Variants in L3HYPDH observed in about 807,000 individuals in gnomAD.
L3HYPDH encodes the protein trans-L-3-hydroxyproline dehydratase.
In L3HYPDH, 32 loss-of-function variants were observed where a neutral mutation model predicts 26.5. The ratio of observed to expected loss-of-function variants is 1.21; its 90% CI spans 0.91 to 1.62. The LOEUF (loss-of-function observed/expected upper bound fraction) is 1.62. L3HYPDH is among the 40% of genes most tolerant of loss of function. The pLI is 0.00. For missense variants in L3HYPDH, 554 were observed against 476.4 expected, an observed-to-expected ratio of 1.16 and a Z score of -1.52; for synonymous variants, 215 against 196.6, an observed-to-expected ratio of 1.09 and a Z score of -0.78.
At chr14:59,486,040 TTTAAG>T (rs1890543960), upstream of L3HYPDH, 2 of 152,232 alleles carry the variant, frequency 1.3e-5, no homozygotes, top group African/African-American at 4.8e-5. Flanking sequence ...TTGGGGTTTT[TTTAAG>T]TAAGGAATAG....
intron 1 of L3HYPDH, among the ~76,000 whole-genome samples, chr14:59,466,715 A>G (rs1889191543): frequency 6.6e-6 from 1 of 152,234 alleles, no homozygotes; most frequent in South Asian, 2.1e-4. Flanking sequence ...TTTACAGTAT[A>G]AATAGAAGAA....
the L3HYPDH span, chr14:59,503,716 T>A: frequency 1.6e-6 from 1 of 616,602 alleles, no homozygotes. Flanking sequence ...AGTGATTTCT[T>A]AAGTCTTTTT....
chr14:59,498,795 T>G, the L3HYPDH span: 4 of 1,604,630 alleles, frequency 2.5e-6, no homozygotes, highest in South Asian at 4.4e-5. Context: ...CCTCTTCTGG[T>G]GAAGAAGATT....
chr14:59,465,938 G>C (rs1889156974), intron 1 of L3HYPDH, among the ~76,000 whole-genome samples: 1 of 152,136 alleles, frequency 6.6e-6, no homozygotes, highest in Non-Finnish European at 1.5e-5. Context: ...ACGGGTTCGC[G>C]GGTGGTGATG....
At chr14:59,504,450 T>G in the L3HYPDH span, 168,665 of 174,510 alleles carry the variant, frequency 0.97, 81,768 homozygotes, top group East Asian at 1. Context: ...GTAATTGTAC[T>G]TACCTGTTGT....
chr14:59,494,813 A>T, the L3HYPDH span, among the ~76,000 whole-genome samples: 1 of 152,230 alleles, frequency 6.6e-6, no homozygotes, highest in South Asian at 2.1e-4. Context: ...TGCAGGGTAG[A>T]TATAATTTCT....
intron 1 of L3HYPDH, among the ~76,000 whole-genome samples, chr14:59,479,897 C>T (rs1258016562): frequency 1.3e-5 from 2 of 152,154 alleles, no homozygotes; most frequent in Non-Finnish European, 2.9e-5. Context: ...AGAAAAATGC[C>T]ATTGTAGAAT....
At chr14:59,474,565 A>T in intron 4 of L3HYPDH, 1 of 697,220 alleles carries the variant, frequency 1.4e-6, no homozygotes, top group Non-Finnish European at 2.6e-6. Context: ...GCTTTGTCTG[A>T]CAGCAATATA....
At chr14:59,469,865 T>C (rs945211226), downstream of L3HYPDH, among the ~76,000 whole-genome samples, 11 of 152,050 alleles carry the variant, frequency 7.2e-5, no homozygotes, top group African/African-American at 2.7e-4. Context: ...GGTTAGTCTC[T>C]CTACAAGAGG....
Position 59,483,786 on chromosome 14 carries a change from G to C in L3HYPDH, c.508+23C>G, listed in dbSNP as rs1023188975. 3 of 1,587,710 alleles carry C rather than the reference G, an allele frequency of 1.9e-6. No homozygotes were observed. In the African/African-American group the frequency reaches 4.0e-5, roughly 21 times the overall value. ...CGTCCCGGTTGCAGCTCTGCCCTGG[G>C]CTGGAAAGGTCCCGCCCATTACCTG... On this transcript the variant is annotated intron_variant, in intron 1 of 4. Transcript: ENST00000247194.
At chr14:59,472,453 A>G (rs1179226094), downstream of L3HYPDH, among the ~76,000 whole-genome samples, 3 of 152,232 alleles carry the variant, frequency 2.0e-5, no homozygotes, top group Non-Finnish European at 2.9e-5. Flanking sequence ...GGCAGCAGCT[A>G]TAACAAAGAA....
chr14:59,471,726 A>G (rs1889315521), downstream of L3HYPDH, among the ~76,000 whole-genome samples: 1 of 152,170 alleles, frequency 6.6e-6, no homozygotes, highest in Non-Finnish European at 1.5e-5. Context: ...TTTCCTTCAA[A>G]TTCATGTGAC....
At chr14:59,504,349 G>A in the L3HYPDH span, 4 of 369,700 alleles carry the variant, frequency 1.1e-5, no homozygotes, top group South Asian at 5.5e-5. Context: ...TGTTCTTTAG[G>A]GCAAAATCAT....
chr14:59,482,388 G>C (rs1030995685), intron 1 of L3HYPDH, among the ~76,000 whole-genome samples: 1 of 152,176 alleles, frequency 6.6e-6, no homozygotes, highest in African/African-American at 2.4e-5. Flanking sequence ...ACTACTGAGA[G>C]GAACTACTGA....
intron 4 of L3HYPDH, 42 bp downstream of exon 4, chr14:59,475,827 G>C: frequency 6.4e-7 from 1 of 1,574,642 alleles, no homozygotes; most frequent in Non-Finnish European, 8.6e-7. Flanking sequence ...CCAGTCTCAT[G>C]AGTGACACAT....
chr14:59,501,803 C>T, the L3HYPDH span, among the ~76,000 whole-genome samples: 1 of 152,048 alleles, frequency 6.6e-6, no homozygotes, highest in African/African-American at 2.4e-5. Flanking sequence ...GTTACTTTTT[C>T]ACAGTATTCA....
At chr14:59,488,227 A>G (rs1227908066), upstream of L3HYPDH, among the ~76,000 whole-genome samples, 1 of 152,052 alleles carries the variant, frequency 6.6e-6, no homozygotes, top group African/African-American at 2.4e-5. Flanking sequence ...AAAAACTCAT[A>G]TTAACATATT....
upstream of L3HYPDH, chr14:59,484,424 G>C (rs537397952): frequency 3.6e-5 from 50 of 1,376,120 alleles, no homozygotes; most frequent in Admixed American, 5.9e-5. Flanking sequence ...GCCACGTCCG[G>C]GGGGCGGGGT....
At chr14:59,495,968 A>T in the L3HYPDH span, among the ~76,000 whole-genome samples, 1 of 152,206 alleles carries the variant, frequency 6.6e-6, no homozygotes, top group Non-Finnish European at 1.5e-5. Flanking sequence ...GTGGCACGAG[A>T]TCTCAGCTCA....
Sources: allele counts gnomAD v4.1 joint callset (sites outside exome capture counted in the v4.1 genomes callset), GRCh38; gene constraint gnomAD v4.1.1; transcripts MANE v1.5; gene names NCBI Gene and HGNC (gene_info 2026-07-23, HGNC 2026-07-21).